The following PGR variants were observed in gnomAD, a reference collection of about 807,000 sequenced individuals.
PGR encodes progesterone receptor.
Under a neutral mutation model 76.1 loss-of-function variants are expected in PGR, and 25 were observed. That is an observed-to-expected ratio of 0.33 (90% CI 0.24 to 0.46). The LOEUF (loss-of-function observed/expected upper bound fraction) is 0.46, where lower values mean the gene tolerates loss of function less well. PGR is among the 20% of genes least tolerant of loss of function. The pLI is 1.00. For missense variants in PGR, 1,172 were observed against 1,225.3 expected, an observed-to-expected ratio of 0.96 and a Z score of 0.65; for synonymous variants, 579 against 535.0, an observed-to-expected ratio of 1.08 and a Z score of -1.14.
rs1859710207 is a variant in PGR at position 101,042,060 on chromosome 11, A to G, written c.2531T>C (p.Met844Thr). 1 of 1,613,550 alleles carries G rather than the reference A, an allele frequency of 6.2e-7. No individual in the cohort carries two copies. The highest frequency in any genetic ancestry group is 8.5e-7 in the Non-Finnish European group (1 of 1,179,676). Residue 844 changes from methionine to threonine, a missense_variant, in exon 7 of 8, where the codon ATG becomes ACG. Around this residue, in one of 4 missense-constraint regions of PGR, gnomAD observed 166 missense variants for 296.0 expected, o/e 0.56. Transcript: ENST00000325455. Reference protein sequence around the residue: ...GLRSQTQFEEMRSSYIRELIK... With the variant: ...GLRSQTQFEETRSSYIRELIK... ...GAGCTCTCTAATGTAGCTTGACCTCATCTCCTCAAACTGGGTTTGACTTCG... is the reference window on the plus strand; with the variant it reads ...GAGCTCTCTAATGTAGCTTGACCTCGTCTCCTCAAACTGGGTTTGACTTCG...
At chr11:101,046,130 TTTATTTTTA>T (rs1318903325) in intron 6 of PGR, among the ~76,000 whole-genome samples, 14 of 149,648 alleles carry the variant, frequency 9.4e-5, no homozygotes, top group African/African-American at 3.4e-4. Flanking sequence ...TATTTATTTA[TTTATTTTTA>T]TTTTGAGACA....
chr11:101,118,744 T>C (rs903651529), intron 2 of PGR, among the ~76,000 whole-genome samples: 1 of 152,206 alleles, frequency 6.6e-6, no homozygotes, highest in South Asian at 2.1e-4. Context: ...AAAAAATGTC[T>C]TGATGATAGA....
At position 101,054,277 on chromosome 11, in the gene PGR, C is replaced by G. The variant is rs12279671; in HGVS notation, c.2213-2709G>C. ...TAACATAGTTTATTTTTAATACTGG[C>G]ATCCAAGAATCCTGGTTTACTCAGG... On this transcript the variant is annotated intron_variant, in intron 4 of 7. Transcript: ENST00000325455. Among the ~76,000 whole-genome samples, 541 of 152,200 alleles carry G rather than the reference C, an allele frequency of 3.6e-3. 3 individuals carry two copies. The highest frequency in any genetic ancestry group is 0.012 in the African/African-American group (515 of 41,534).
chr11:101,038,866 A>G lies in PGR; in HGVS notation c.*250T>C. The G allele has an allele frequency of 2.4e-6, 1 of 411,130 alleles. No individual in the cohort carries two copies. Among genetic ancestry groups the G allele is most frequent in the East Asian group, 4.1e-5 (1 of 24,456 alleles). The allele number at this position is 411,130 out of a possible 1,614,324, so 25.5% of individuals were successfully genotyped here. On this transcript the variant is annotated 3_prime_UTR_variant, in exon 8 of 8. Coordinates refer to ENST00000325455, the MANE Select transcript of PGR (RefSeq NM_000926.4). Reference sequence around the variant, plus strand: ...ATGGATAAGATAGTTTACTTTAACAATTTTAGTACTTTTTCAATCTTGTAA... The same window carrying G: ...ATGGATAAGATAGTTTACTTTAACAGTTTTAGTACTTTTTCAATCTTGTAA...
intron 3 of PGR, among the ~76,000 whole-genome samples, chr11:101,075,861 C>T (rs978155499): frequency 6.6e-6 from 1 of 152,124 alleles, no homozygotes; most frequent in Non-Finnish European, 1.5e-5. Flanking sequence ...AGCTTTTACG[C>T]TGTTGGTGGC....
chr11:101,039,013 A>T lies in PGR; in HGVS notation c.*103T>A. ...TTACACACTATGATGTTATAAATGT[A>T]AGGCTTTCAGAAGAACATTATAAAA... On this transcript the variant is annotated 3_prime_UTR_variant, in exon 8 of 8. Coordinates refer to ENST00000325455, the MANE Select transcript of PGR (RefSeq NM_000926.4). The T allele has an allele frequency of 1.2e-6, 1 of 805,738 alleles. No homozygotes were observed. 49.9% of individuals were successfully genotyped at this position (805,738 alleles called of 1,614,324 possible).
chr11:101,074,736 A>T (rs1351536469), intron 3 of PGR, among the ~76,000 whole-genome samples: 1 of 152,174 alleles, frequency 6.6e-6, no homozygotes, highest in East Asian at 1.9e-4. Flanking sequence ...AATTGCTACA[A>T]AAGGAGTAAA....
At chr11:101,110,737 C>T (rs1862320135) in intron 2 of PGR, among the ~76,000 whole-genome samples, 1 of 152,140 alleles carries the variant, frequency 6.6e-6, no homozygotes, top group Non-Finnish European at 1.5e-5. Context: ...TAAAACACAG[C>T]ATTGCATACT....
At chr11:101,113,439 T>TTC (rs10677881) in intron 2 of PGR, among the ~76,000 whole-genome samples, 1 of 151,128 alleles carries the variant, frequency 6.6e-6, no homozygotes, top group Admixed American at 6.6e-5. Context: ...TTTTTTTTTT[T>TTC]GTATTTTTAG....
In PGR at chr11:101,099,872, C is replaced by G. The variant is rs142697750; in HGVS notation, c.1790-7996G>C. Among the ~76,000 whole-genome samples, 415 of 152,288 alleles carry G rather than the reference C, an allele frequency of 2.7e-3. 1 individual carries two copies. The highest frequency in any genetic ancestry group is 9.4e-3 in the African/African-American group (392 of 41,570). On this transcript the variant is annotated intron_variant, in intron 2 of 7. Transcript: ENST00000325455. ...GTGCTCTCTAACTTCTCTTCCCACA[C>G]GTTGGCCCTGGAAGGGTCAAAATCA...
intron 3 of PGR, among the ~76,000 whole-genome samples, chr11:101,066,513 A>T (rs1860723008): frequency 6.6e-6 from 1 of 152,170 alleles, no homozygotes; most frequent in Non-Finnish European, 1.5e-5. Context: ...CTCTAATATC[A>T]TCTAGACATT....
intron 3 of PGR, among the ~76,000 whole-genome samples, chr11:101,075,598 T>C (rs117732522): frequency 7.9e-6 from 1 of 127,116 alleles, no homozygotes; most frequent in Non-Finnish European, 1.8e-5. Context: ...ATCAAGAAGC[T>C]ACAAAGAATT....
At chr11:101,111,088 T>C (rs1862328470) in intron 2 of PGR, among the ~76,000 whole-genome samples, 1 of 152,246 alleles carries the variant, frequency 6.6e-6, no homozygotes, top group African/African-American at 2.4e-5. Context: ...ACTTGCTTTA[T>C]TGCAATATTT....
At chr11:101,062,295 G>C in intron 4 of PGR, 152 bp downstream of exon 4, 1 of 643,980 alleles carries the variant, frequency 1.6e-6, no homozygotes, top group Non-Finnish European at 2.7e-6. Context: ...TAGGGTCCTA[G>C]ACAAATATTT....
intron 4 of PGR, among the ~76,000 whole-genome samples, chr11:101,056,050 AT>A (rs1032622268): frequency 3.9e-5 from 6 of 152,086 alleles, no homozygotes; most frequent in Admixed American, 2.0e-4. Flanking sequence ...TAGAAATGCT[AT>A]TTTTTTCCTT....
At chr11:101,073,143 T>C (rs959862078) in intron 3 of PGR, among the ~76,000 whole-genome samples, 1 of 152,150 alleles carries the variant, frequency 6.6e-6, no homozygotes, top group African/African-American at 2.4e-5. Context: ...CACAGTGCAA[T>C]CAAATTAGAA....
intron 3 of PGR, among the ~76,000 whole-genome samples, chr11:101,085,489 C>T (rs1303052): frequency 0.21 from 25,498 of 122,864 alleles, 2,880 homozygotes; most frequent in African/African-American, 0.35. Flanking sequence ...TTAGAAAGAT[C>T]TCAAATTAAT....
intron 6 of PGR, among the ~76,000 whole-genome samples, chr11:101,047,510 A>G (rs1239433708): frequency 6.6e-6 from 1 of 152,110 alleles, no homozygotes; most frequent in Non-Finnish European, 1.5e-5. Flanking sequence ...ATGGTTATGT[A>G]TTCATCCCTG....
At chr11:101,076,671 A>G (rs694317) in intron 3 of PGR, among the ~76,000 whole-genome samples, 19,665 of 151,726 alleles carry the variant, frequency 0.13, 1,324 homozygotes, top group East Asian at 0.19. Context: ...GGTTTTTGAG[A>G]GAGATTAGAA....
Sources: gnomAD v4.1 joint callset for allele counts (sites outside exome capture counted in the v4.1 genomes callset) on GRCh38, gnomAD v4.1.1 for gene constraint, gnomAD v4.1.1 regional missense constraint, MANE v1.5 for transcripts, NCBI Gene and HGNC (gene_info 2026-07-23, HGNC 2026-07-21) for gene names.